The following TRIM25 variants were observed in gnomAD, a reference collection of about 807,000 sequenced individuals.
TRIM25 encodes the protein E3 ubiquitin/ISG15 ligase TRIM25.
TRIM25 carries 45 observed loss-of-function variants against 65.2 expected under a neutral mutation model. The ratio of observed to expected loss-of-function variants is 0.69; its 90% CI spans 0.54 to 0.89. TRIM25 has a LOEUF of 0.89. Ranked by LOEUF, TRIM25 falls within the 40% of genes least tolerant of loss-of-function variation. The pLI is 0.00. For synonymous variants in TRIM25, 321 were observed against 340.4 expected (o/e 0.94, Z 0.63); for missense variants, 714 against 803.7 (o/e 0.89, Z 1.35).
Position 56,904,409 on chromosome 17 carries a change from G to A in TRIM25, c.773C>T (p.Thr258Ile). Residue 258 changes from threonine to isoleucine, a missense_variant, in exon 3 of 9, where the codon ACC becomes ATC. Physicochemically the swap from Thr to Ile is moderately conservative, Grantham distance 89 (BLOSUM62 -1). This residue lies in a region of TRIM25 where 413 missense variants were observed against 498.2 expected (regional missense o/e 0.83). Transcript: ENST00000316881. ...CTCTTCCTTTATCTTCCTTGTCGAG[G>A]TGGTCTCTGAGGCGTCCAAGAGAGC... ...MKALLDASET[T>I]STRKIKEEEK... 6.2e-7 allele frequency: 1 copy of A among 1,614,060 alleles called. No homozygotes were observed. The highest frequency in any genetic ancestry group is 8.5e-7 in the Non-Finnish European group (1 of 1,180,020).
intron 3 of TRIM25, among the ~76,000 whole-genome samples, chr17:56,902,979 C>G (rs1777312578): frequency 6.6e-6 from 1 of 152,218 alleles, no homozygotes; most frequent in South Asian, 2.1e-4. Context: ...CTGCTCCCAG[C>G]TTCACCTTCT....
rs139466318 is a variant in TRIM25 at position 56,902,497 on chromosome 17, G to A, written c.928-919C>T. 4.2e-4 allele frequency among the ~76,000 whole-genome samples: 64 copies of A among 152,282 alleles called. 1 individual carries two copies. The highest frequency in any genetic ancestry group is 1.3e-3 in the African/African-American group (56 of 41,544). On this transcript the variant is annotated intron_variant, in intron 3 of 8. Transcript: ENST00000316881. ...GTGGCATGCTTGGGAACACCGATAC[G>A]GCATGGCAATGGGATCCAAGGCCCT... is the stretch of plus-strand genomic sequence containing the variant.
chr17:56,897,708 A>C (rs1427496989), intron 5 of TRIM25, among the ~76,000 whole-genome samples: 1 of 152,040 alleles, frequency 6.6e-6, no homozygotes, highest in Non-Finnish European at 1.5e-5. Context: ...TGAGGACCTC[A>C]CCTCACTGGG....
Position 56,913,592 on chromosome 17 carries a change from G to A in TRIM25, c.397C>T (p.Pro133Ser), listed in dbSNP as rs368137678. ...MASFCQEHLQ[P>S]HFDSPAFQDH... ...TGGAAGGCGGGGCTGTCGAAGTGCG[G>A]CTGCAGGTGCTCCTGACAGAAGGAG... is the stretch of plus-strand genomic sequence containing the variant. The change falls in exon 1 of 9, where the codon CCG becomes TCG. Residue 133 changes from proline to serine, a missense_variant. Coordinates refer to ENST00000316881, the MANE Select transcript of TRIM25 (RefSeq NM_005082.5). This position sits in a 1 kb window ranked among gnomAD's most constrained non-coding sequence, Gnocchi z 6.1. 5.0e-6 allele frequency: 8 copies of A among 1,609,892 alleles called. No homozygotes were observed. The highest frequency in any genetic ancestry group is 6.8e-6 in the Non-Finnish European group (8 of 1,177,776).
intron 1 of TRIM25, among the ~76,000 whole-genome samples, chr17:56,911,578 CAA>C (rs34726749): frequency 2.2e-5 from 3 of 137,036 alleles, no homozygotes; most frequent in African/African-American, 5.6e-5. Context: ...GACTCCAACT[CAA>C]AAAAAAAAAA....
chr17:56,899,911 C>A (rs1909376233), intron 4 of TRIM25, among the ~76,000 whole-genome samples: 1 of 152,180 alleles, frequency 6.6e-6, no homozygotes, highest in Non-Finnish European at 1.5e-5. Flanking sequence ...GAGACCCTGG[C>A]TCTACAAAAA....
In TRIM25 at chr17:56,891,788, T is replaced by TTA; in HGVS notation, c.1803_1804dup (p.Lys602IlefsTer59). 6.2e-7 allele frequency: 1 copy of TTA among 1,614,164 alleles called. No homozygotes were observed. Among genetic ancestry groups the TTA allele is most frequent in the Non-Finnish European group, 8.5e-7 (1 of 1,180,038 alleles). ...AGCCTCAGTAAAGTCCACCCTGAACTTATACATCAGGTGGACCTTGTCGGC... is the reference window on the plus strand; with the variant it reads ...AGCCTCAGTAAAGTCCACCCTGAACTTATATACATCAGGTGGACCTTGTCGGC... On this transcript the variant is annotated frameshift_variant, in exon 9 of 9. Transcript: ENST00000316881. LOFTEE classifies it high-confidence loss of function.
At chr17:56,910,789 G>A (rs9908364) in intron 1 of TRIM25, among the ~76,000 whole-genome samples, 16,157 of 152,220 alleles carry the variant, frequency 0.11, 1,254 homozygotes, top group African/African-American at 0.22. Flanking sequence ...TCTCAAGTCC[G>A]ACCCCACCAG....
In TRIM25 at chr17:56,891,553, C is replaced by A. The variant is rs1435357425; in HGVS notation, c.*147G>T. On this transcript the variant is annotated 3_prime_UTR_variant, in exon 9 of 9. Transcript: ENST00000316881. Reference sequence around the variant, plus strand: ...TCTCACCCCTTTCCTGGCTAAATCCCACCTCCCACCCTCCCGCCAGCTCCC... The same window carrying A: ...TCTCACCCCTTTCCTGGCTAAATCCAACCTCCCACCCTCCCGCCAGCTCCC... 17 of 489,880 alleles carry A rather than the reference C, an allele frequency of 3.5e-5. 3 individuals are homozygous for A. The highest frequency in any genetic ancestry group is 5.4e-5 in the Non-Finnish European group (15 of 275,792). 30.3% of individuals were successfully genotyped at this position (489,880 alleles called of 1,614,324 possible). A position where few individuals can be genotyped will look rare whatever the true frequency, so the allele number is the denominator to read the frequency against.
Position 56,890,854 on chromosome 17 carries a change from G to A in TRIM25, c.*846C>T, listed in dbSNP as rs1360716424. 2.2e-6 allele frequency: 1 copy of A among 456,666 alleles called. No individual in the cohort carries two copies. The highest frequency in any genetic ancestry group is 1.5e-5 in the South Asian group (1 of 64,566). The allele number at this position is 456,666 out of a possible 1,614,324, so 28.3% of individuals were successfully genotyped here. A position where few individuals can be genotyped will look rare whatever the true frequency, so the allele number is the denominator to read the frequency against. On this transcript the variant is annotated 3_prime_UTR_variant, in exon 9 of 9. Coordinates refer to ENST00000316881, the MANE Select transcript of TRIM25 (RefSeq NM_005082.5). ...CAGAGTTCCTTGCCCCACAGCCAAGGCTATGGGAAGCAAGGCCTCCAGCAA... is the reference window on the plus strand; with the variant it reads ...CAGAGTTCCTTGCCCCACAGCCAAGACTATGGGAAGCAAGGCCTCCAGCAA...
intron 5 of TRIM25, among the ~76,000 whole-genome samples, chr17:56,898,248 T>TGGACATCTCAGCGGTATAC (rs1909335754): frequency 1.3e-5 from 2 of 152,136 alleles, no homozygotes; most frequent in East Asian, 3.9e-4. Context: ...CAGCGGTATA[T>TGGACATCTCAGCGGTATAC]GGACATGTCA....
At chr17:56,896,202 G>T (rs1909289715) in intron 5 of TRIM25, among the ~76,000 whole-genome samples, 2 of 152,120 alleles carry the variant, frequency 1.3e-5, no homozygotes, top group Non-Finnish European at 1.5e-5. Context: ...TCTTTATCTT[G>T]ATTTGAACAA....
rs1345425903 is a variant in TRIM25, at chr17:56,913,548, C to T, written c.441G>A (p.Pro147=). 13 of 1,613,384 alleles carry T rather than the reference C, an allele frequency of 8.1e-6. No homozygotes were observed. The highest frequency in any genetic ancestry group is 3.3e-4 in the Middle Eastern group (2 of 6,060). The change falls in exon 1 of 9, where the codon CCG becomes CCA. Residue 147 remains proline, a synonymous_variant. Transcript: ENST00000316881. The surrounding 1 kb of genome is among the most constrained non-coding windows in gnomAD (Gnocchi z 6.1). ...SPAFQDHPLQ[P]PVRDLLRRKC... ...TGCGGCGCAACAGGTCGCGAACGGG[C>T]GGCTGCAGCGGGTGGTCCTGGAAGG...
chr17:56,911,798 A>G (rs989386118), intron 1 of TRIM25, among the ~76,000 whole-genome samples: 1 of 151,950 alleles, frequency 6.6e-6, no homozygotes, highest in Non-Finnish European at 1.5e-5. Flanking sequence ...AGGCTGAGGC[A>G]AGTGGATCAC....
rs976569863 is a variant in TRIM25 at position 56,895,509 on chromosome 17, A to G, written c.1264+12T>C. ...GTGGACACCCCAAAGCTCCTTGCCCATGATAACTTACCCTCCAAGCCAGCT... is the reference window on the plus strand; with the variant it reads ...GTGGACACCCCAAAGCTCCTTGCCCGTGATAACTTACCCTCCAAGCCAGCT... On this transcript the variant is annotated intron_variant, in intron 7 of 8. Coordinates refer to ENST00000316881, the MANE Select transcript of TRIM25 (RefSeq NM_005082.5). The G allele has an allele frequency of 8.1e-6, 13 of 1,613,518 alleles. No homozygotes were observed. The East Asian group carries it at 8.9e-5, about 11-fold the overall frequency.
Position 56,895,962 on chromosome 17 carries a change from A to G in TRIM25, c.1154-10T>C, listed in dbSNP as rs751990330. On this transcript the variant is annotated splice_polypyrimidine_tract_variant and intron_variant, in intron 5 of 8. Transcript: ENST00000316881. ...GATTTCTTTTCCTCTTCTGCAAAAG[A>G]AAGTTTTCAGATTTAATTTCTTTTA... The G allele has an allele frequency of 5.0e-6, 8 of 1,611,476 alleles. No homozygotes were observed.
intron 3 of TRIM25, among the ~76,000 whole-genome samples, chr17:56,903,172 G>T (rs1667959014): frequency 6.6e-6 from 1 of 152,158 alleles, no homozygotes. Flanking sequence ...AGGCCGAGGT[G>T]GGTGGATCAC....
rs777569654 is a variant in TRIM25, at chr17:56,890,552, G to T, written c.*1148C>A. On this transcript the variant is annotated 3_prime_UTR_variant, in exon 9 of 9. Transcript: ENST00000316881. ...CTGTTCCCCATGAGGTTTGCTAAAA[G>T]ACCCCTTTGGTGGTAGGTTGACACC... 7.0e-5 allele frequency: 32 copies of T among 454,366 alleles called. No individual in the cohort carries two copies. The highest frequency in any genetic ancestry group is 5.0e-4 in the South Asian group (32 of 64,472). The allele number at this position is 454,366 out of a possible 1,614,324, so 28.1% of individuals were successfully genotyped here. A position where few individuals can be genotyped will look rare whatever the true frequency, so the allele number is the denominator to read the frequency against.
intron 1 of TRIM25, among the ~76,000 whole-genome samples, chr17:56,909,615 G>T (rs1909588542): frequency 6.7e-6 from 1 of 149,486 alleles, no homozygotes; most frequent in Non-Finnish European, 1.5e-5. Flanking sequence ...ATTCCGGGAG[G>T]TTGAGCCTGC....
Sources: allele counts gnomAD v4.1 joint callset (sites outside exome capture counted in the v4.1 genomes callset), GRCh38; gene constraint gnomAD v4.1.1; regional missense constraint gnomAD v4.1.1; non-coding constraint Gnocchi (gnomAD v3.1); transcripts MANE v1.5; gene names NCBI Gene and HGNC (gene_info 2026-07-23, HGNC 2026-07-21).